The following TPGS2 variants were observed in gnomAD, a reference collection of about 807,000 sequenced individuals.
TPGS2 encodes the protein tubulin polyglutamylase complex subunit 2.
TPGS2 carries 26 observed loss-of-function variants against 31.1 expected under a neutral mutation model. The ratio of observed to expected loss-of-function variants is 0.84; its 90% CI spans 0.61 to 1.16. The LOEUF is 1.16. Ranked by LOEUF, TPGS2 falls within the 50% of genes most tolerant of loss-of-function variation. TPGS2 has a pLI of 0.00. For missense variants in TPGS2, 351 were observed against 363.8 expected (o/e 0.96, Z 0.29); for synonymous variants, 130 against 136.6 (o/e 0.95, Z 0.34).
chr18:36,817,700 ACACTGAGATTACAAGCATGAGC>A (rs1302098425), intron 2 of TPGS2: 1 of 152,140 alleles, frequency 6.6e-6, no homozygotes, highest in African/African-American at 2.4e-5. Context: ...GCCTTCCAAA[ACACTGAGATTACAAGCATGAGC>A]CACTGTGCCG....
chr18:36,784,072 G>T (rs2150518465), intron 6 of TPGS2, among the ~76,000 whole-genome samples: 1 of 152,226 alleles, frequency 6.6e-6, no homozygotes, highest in South Asian at 2.1e-4. Context: ...TGCTGCCCTG[G>T]AGCCTCCAGG....
intron 4 of TPGS2, among the ~76,000 whole-genome samples, chr18:36,802,579 C>T (rs910036900): frequency 6.6e-6 from 1 of 151,868 alleles, no homozygotes; most frequent in Non-Finnish European, 1.5e-5. Context: ...ATAAGCATAT[C>T]GTTTTGTACT....
At chr18:36,786,198 A>C (rs2150522052) in intron 6 of TPGS2, among the ~76,000 whole-genome samples, 1 of 152,272 alleles carries the variant, frequency 6.6e-6, no homozygotes, top group Non-Finnish European at 1.5e-5. Flanking sequence ...TGTCTTGTCC[A>C]ATCAAAGCAT....
intron 5 of TPGS2, 130 bp downstream of exon 5, chr18:36,800,068 G>C (rs960925195): frequency 4.0e-6 from 3 of 745,018 alleles, no homozygotes; most frequent in Non-Finnish European, 4.6e-6. Flanking sequence ...TTTTGGGTTT[G>C]GGACACACAA....
Position 36,796,148 on chromosome 18 carries a change from A to AACAT in TPGS2, c.*653_*656dup. ...GATATTTGTGGTAAGGGATACAAAG[A>AACAT]ACATACAATTGTGTACTTGAGAGGT... On this transcript the variant is annotated 3_prime_UTR_variant, in exon 7 of 7. Coordinates refer to ENST00000334295, the MANE Select transcript of TPGS2 (RefSeq NM_015476.4). 1 of 985,458 alleles carries AACAT rather than the reference A, an allele frequency of 1.0e-6. No individual in the cohort carries two copies. The highest frequency in any genetic ancestry group is 1.1e-4 in the East Asian group (1 of 8,802). 61.0% of individuals were successfully genotyped at this position (985,458 alleles called of 1,614,324 possible).
chr18:36,794,933 G>A lies in TPGS2; in HGVS notation c.*1872C>T. On this transcript the variant is annotated 3_prime_UTR_variant, in exon 7 of 7. Coordinates refer to ENST00000334295, the MANE Select transcript of TPGS2 (RefSeq NM_015476.4). Reference sequence around the variant, plus strand: ...AGTGGTTAGTTTTGGGATTGAAAAGGTAAGAGGTCTCGCTATTTTAAAGCA... The same window carrying A: ...AGTGGTTAGTTTTGGGATTGAAAAGATAAGAGGTCTCGCTATTTTAAAGCA... 1 of 984,796 alleles carries A rather than the reference G, an allele frequency of 1.0e-6. No individual in the cohort carries two copies. The highest frequency in any genetic ancestry group is 1.2e-6 in the Non-Finnish European group (1 of 829,950). The allele number at this position is 984,796 out of a possible 1,614,324, so 61.0% of individuals were successfully genotyped here.
chr18:36,810,254 G>C (rs2045359491), intron 2 of TPGS2, among the ~76,000 whole-genome samples: 1 of 152,156 alleles, frequency 6.6e-6, no homozygotes, highest in African/African-American at 2.4e-5. Flanking sequence ...AGGAAGAAAG[G>C]TTCACAACCA....
chr18:36,813,683 C>CTT (rs2045529169), intron 2 of TPGS2, among the ~76,000 whole-genome samples: 2 of 152,182 alleles, frequency 1.3e-5, no homozygotes, highest in African/African-American at 4.8e-5. Context: ...GTGTAGACAA[C>CTT]TTTTCTACAC....
At chr18:36,790,389 T>C (rs547737961), downstream of TPGS2, among the ~76,000 whole-genome samples, 1 of 152,374 alleles carries the variant, frequency 6.6e-6, no homozygotes, top group African/African-American at 2.4e-5. Context: ...GGTTGGATAC[T>C]GAAAGCATCC....
Position 36,794,650 on chromosome 18 carries a change from A to C in TPGS2, c.*2155T>G. The C allele has an allele frequency of 1.0e-6, 1 of 985,422 alleles. No individual in the cohort carries two copies. The highest frequency in any genetic ancestry group is 1.2e-6 in the Non-Finnish European group (1 of 829,942). The allele number at this position is 985,422 out of a possible 1,614,324, so 61.0% of individuals were successfully genotyped here. ...GCTCTTCCTTTGATCAATTCTGGCAAGAAAAATACTTCTGGAAGACTAAAC... is the reference window on the plus strand; with the variant it reads ...GCTCTTCCTTTGATCAATTCTGGCACGAAAAATACTTCTGGAAGACTAAAC... On this transcript the variant is annotated 3_prime_UTR_variant, in exon 7 of 7. Transcript: ENST00000334295.
intron 6 of TPGS2, 56 bp downstream of exon 6, chr18:36,798,393 C>G: frequency 6.2e-7 from 1 of 1,609,726 alleles, no homozygotes; most frequent in Non-Finnish European, 8.5e-7. Flanking sequence ...GTAACCATTT[C>G]CTCAGTAGAT....
intron 1 of TPGS2, among the ~76,000 whole-genome samples, chr18:36,824,878 C>A (rs2046061321): frequency 6.6e-6 from 1 of 151,994 alleles, no homozygotes; most frequent in Non-Finnish European, 1.5e-5. Flanking sequence ...ATCTATTTTT[C>A]TTTTGTTGCT....
chr18:36,814,856 T>G (rs1393097602), intron 2 of TPGS2, among the ~76,000 whole-genome samples: 1 of 152,216 alleles, frequency 6.6e-6, no homozygotes, highest in Admixed American at 6.5e-5. Context: ...CTTTACCCAT[T>G]TATCCCAGTT....
chr18:36,802,274 G>T (rs2044856783), intron 4 of TPGS2, among the ~76,000 whole-genome samples: 1 of 152,190 alleles, frequency 6.6e-6, no homozygotes, highest in Non-Finnish European at 1.5e-5. Flanking sequence ...ACTGAGGTCT[G>T]CCCTCAGTTG....
In TPGS2 at chr18:36,828,675, T is replaced by G; in HGVS notation, c.85+8A>C. On this transcript the variant is annotated splice_region_variant and intron_variant, in intron 1 of 6. Coordinates refer to ENST00000334295, the MANE Select transcript of TPGS2 (RefSeq NM_015476.4). ...ACACCCTCTCGGCACCGTGCCCCCT[T>G]TCCTCACCTAGGATGCGCGTGATGC... 1 of 1,613,842 alleles carries G rather than the reference T, an allele frequency of 6.2e-7. No individual in the cohort carries two copies. Among genetic ancestry groups the G allele is most frequent in the South Asian group, 1.1e-5 (1 of 91,076 alleles).
At chr18:36,825,013 T>G (rs2046067831) in intron 1 of TPGS2, among the ~76,000 whole-genome samples, 1 of 152,214 alleles carries the variant, frequency 6.6e-6, no homozygotes, top group African/African-American at 2.4e-5. Flanking sequence ...AAGATACTTT[T>G]GGAGTTAATT....
intron 1 of TPGS2, among the ~76,000 whole-genome samples, chr18:36,820,653 G>A (rs758757334): frequency 2.6e-5 from 4 of 152,186 alleles, no homozygotes; most frequent in Non-Finnish European, 5.9e-5. Context: ...TAAGGAAACC[G>A]AGGTTCAAAG....
At position 36,796,670 on chromosome 18, in the gene TPGS2, A is replaced by G. The variant is rs2044539847; in HGVS notation, c.*135T>C. ...GAGCCTGGCTAATGTCGGTGGGACT[A>G]AAAGCCTTACAATTTTGGTCATTCA... On this transcript the variant is annotated 3_prime_UTR_variant, in exon 7 of 7. Coordinates refer to ENST00000334295, the MANE Select transcript of TPGS2 (RefSeq NM_015476.4). The G allele has an allele frequency of 6.9e-7, 1 of 1,443,340 alleles. No individual in the cohort carries two copies. Among genetic ancestry groups the G allele is most frequent in the Non-Finnish European group, 9.1e-7 (1 of 1,103,868 alleles). The allele number at this position is 1,443,340 out of a possible 1,614,324, so 89.4% of individuals were successfully genotyped here.
downstream of TPGS2, chr18:36,780,094 A>C: frequency 8.2e-7 from 1 of 1,212,200 alleles, no homozygotes; most frequent in Non-Finnish European, 1.0e-6. Flanking sequence ...ACAGGACCTT[A>C]AACAGTTCCA....
Sources: gnomAD v4.1 joint callset for allele counts (sites outside exome capture counted in the v4.1 genomes callset) on GRCh38, gnomAD v4.1.1 for gene constraint, MANE v1.5 for transcripts, NCBI Gene and HGNC (gene_info 2026-07-23, HGNC 2026-07-21) for gene names.